TTC28: variants seen among roughly 807,000 people sequenced by gnomAD.
TTC28 encodes the protein tetratricopeptide repeat protein 28.
A neutral mutation model predicts 198.0 loss-of-function variants in TTC28; 61 were observed. The observed-to-expected ratio is 0.31, with a 90% confidence interval of 0.25 to 0.38. TTC28 has a LOEUF of 0.38. Among genes scored for constraint, TTC28 ranks in the 10% least tolerant of loss-of-function variants. The pLI, the probability that TTC28 is intolerant of heterozygous loss-of-function variation, is 1.00. For synonymous variants in TTC28, 1,171 were observed against 1,297.8 expected (o/e 0.90, Z 2.10); for missense variants, 2,678 against 3,164.0 (o/e 0.85, Z 3.69).
intron 3 of TTC28, among the ~76,000 whole-genome samples, chr22:28,301,515 A>T (rs1156562873): frequency 6.6e-6 from 1 of 152,194 alleles, no homozygotes; most frequent in Non-Finnish European, 1.5e-5. Context: ...AGAGGCTAAT[A>T]ATAAGCAAAA....
At position 28,562,879 on chromosome 22, in the gene TTC28, T is replaced by C. The variant is rs969140277; in HGVS notation, c.381+66673A>G. On this transcript the variant is annotated intron_variant, in intron 2 of 22. Transcript: ENST00000397906. ...GGCTCATGCCTGTAATCCCAGCATT[T>C]TGGGAGGCTGAGGCAGACGGATCAC... Among the ~76,000 whole-genome samples the C allele has an allele frequency of 3.9e-5, 6 of 152,274 alleles. 1 individual carries two copies. The highest frequency in any genetic ancestry group is 2.4e-5 in the African/African-American group (1 of 41,568).
intron 2 of TTC28, among the ~76,000 whole-genome samples, chr22:28,416,740 C>A (rs2146153118): frequency 6.6e-6 from 1 of 152,164 alleles, no homozygotes; most frequent in South Asian, 2.1e-4. Context: ...AACACTGAAA[C>A]AAAAAGCTCG....
rs71316851 is a variant in TTC28, at chr22:28,636,127, A to ATTTTTTTTTTTTT, written c.103-6310_103-6298dup. ...CATCCATATTGTTGCAAATGTCAGG[A>ATTTTTTTTTTTTT]TTTTTTTTTTTTTTTTTTTTTTTTT... is the stretch of plus-strand genomic sequence containing the variant. On this transcript the variant is annotated intron_variant, in intron 1 of 22. Coordinates refer to ENST00000397906, the MANE Select transcript of TTC28 (RefSeq NM_001145418.2). Among the ~76,000 whole-genome samples the ATTTTTTTTTTTTT allele has an allele frequency of 7.6e-5, 5 of 65,722 alleles. 1 individual carries two copies. The highest frequency in any genetic ancestry group is 6.5e-5 in the African/African-American group (1 of 15,436). The allele number at this position is 65,722 out of a possible 152,430, so 43.1% of individuals were successfully genotyped here. A position where few individuals can be genotyped will look rare whatever the true frequency, so the allele number is the denominator to read the frequency against.
intron 2 of TTC28, among the ~76,000 whole-genome samples, chr22:28,596,265 T>C (rs1045388531): frequency 6.6e-6 from 1 of 151,664 alleles, no homozygotes; most frequent in Non-Finnish European, 1.5e-5. Flanking sequence ...ATTAAAGGAA[T>C]GGGGGGAAAA....
chr22:28,576,233 G>T (rs2050148288), intron 2 of TTC28, among the ~76,000 whole-genome samples: 1 of 151,674 alleles, frequency 6.6e-6, no homozygotes, highest in African/African-American at 2.4e-5. Flanking sequence ...TGCTTTTTCA[G>T]CAAGTTGAAA....
intron 1 of TTC28, among the ~76,000 whole-genome samples, chr22:28,648,727 G>A (rs1312639439): frequency 6.6e-6 from 1 of 152,166 alleles, no homozygotes; most frequent in African/African-American, 2.4e-5. Flanking sequence ...TGGGCAACAG[G>A]GTGAAACCCT....
At chr22:28,454,628 T>C (rs17413405) in intron 2 of TTC28, among the ~76,000 whole-genome samples, 6,612 of 152,312 alleles carry the variant, frequency 0.043, 213 homozygotes, top group Non-Finnish European at 0.067. Flanking sequence ...ATGTCTTTTA[T>C]TGCAAGAACT....
intron 2 of TTC28, among the ~76,000 whole-genome samples, chr22:28,530,418 C>G (rs2049107536): frequency 6.6e-6 from 1 of 152,142 alleles, no homozygotes; most frequent in African/African-American, 2.4e-5. Flanking sequence ...TGTGAAAAGA[C>G]CAAATCTACG....
intron 12 of TTC28, among the ~76,000 whole-genome samples, chr22:28,079,281 A>C (rs538306125): frequency 7.9e-5 from 12 of 152,342 alleles, no homozygotes; most frequent in African/African-American, 2.9e-4. Flanking sequence ...GATAGAGATG[A>C]TGGTGACCTG....
At chr22:28,527,250 C>A (rs762187921) in intron 2 of TTC28, among the ~76,000 whole-genome samples, 2 of 152,212 alleles carry the variant, frequency 1.3e-5, no homozygotes, top group Non-Finnish European at 2.9e-5. Flanking sequence ...CCTGCCCACA[C>A]TGGTGCCCCA....
chr22:28,586,289 AAAAG>A (rs1189649210), intron 2 of TTC28, among the ~76,000 whole-genome samples: 5 of 152,134 alleles, frequency 3.3e-5, no homozygotes, highest in South Asian at 2.1e-4. Flanking sequence ...AAAAAAAAAA[AAAAG>A]AAAGAAAGTA....
chr22:28,043,381 T>G (rs1399517678), intron 12 of TTC28, among the ~76,000 whole-genome samples: 2 of 152,016 alleles, frequency 1.3e-5, no homozygotes, highest in African/African-American at 4.8e-5. Flanking sequence ...GTCAGATTCC[T>G]TTCCCCAAAA....
chr22:28,498,175 G>T (rs1178272844), intron 2 of TTC28, among the ~76,000 whole-genome samples: 1 of 151,358 alleles, frequency 6.6e-6, no homozygotes, highest in Non-Finnish European at 1.5e-5. Flanking sequence ...GGGAAGTGGT[G>T]GTGGTAGCAA....
intron 12 of TTC28, among the ~76,000 whole-genome samples, chr22:28,060,976 A>T (rs551515983): frequency 2.6e-5 from 4 of 152,272 alleles, no homozygotes; most frequent in East Asian, 1.9e-4. Context: ...GCCAGTGAGG[A>T]TGAGCATTTT....
At chr22:28,608,144 G>T in intron 2 of TTC28, among the ~76,000 whole-genome samples, 1 of 152,180 alleles carries the variant, frequency 6.6e-6, no homozygotes. Flanking sequence ...AGTAAAAGCA[G>T]CAAGCTTTGT....
chr22:28,186,288 T>C (rs147564614), intron 5 of TTC28, among the ~76,000 whole-genome samples: 35 of 152,284 alleles, frequency 2.3e-4, no homozygotes, highest in Admixed American at 2.0e-3. Context: ...AAGAGATGCA[T>C]GTTATTTGAT....
chr22:28,060,080 CTTT>C (rs948639320), intron 12 of TTC28, among the ~76,000 whole-genome samples: 2 of 148,758 alleles, frequency 1.3e-5, no homozygotes, highest in African/African-American at 4.9e-5. Context: ...AAGTACTCAA[CTTT>C]TTTTTTTAAA....
intron 2 of TTC28, among the ~76,000 whole-genome samples, chr22:28,539,404 G>A (rs533924150): frequency 4.4e-4 from 67 of 152,288 alleles, no homozygotes; most frequent in Non-Finnish European, 8.1e-4. Context: ...GGAGGCCAAG[G>A]TGGGTGGATC....
intron 5 of TTC28, among the ~76,000 whole-genome samples, chr22:28,210,401 G>C (rs1926826035): frequency 6.6e-6 from 1 of 152,130 alleles, no homozygotes; most frequent in Admixed American, 6.5e-5. Flanking sequence ...GAAAAGATTG[G>C]ACGAGTGGCT....
Sources: allele counts gnomAD v4.1 joint callset (sites outside exome capture counted in the v4.1 genomes callset), GRCh38; gene constraint gnomAD v4.1.1; transcripts MANE v1.5; gene names NCBI Gene and HGNC (gene_info 2026-07-23, HGNC 2026-07-21).